DPP6: variants seen among roughly 807,000 people sequenced by gnomAD.
DPP6 encodes the protein A-type potassium channel modulatory protein DPP6.
A neutral mutation model predicts 122.6 loss-of-function variants in DPP6; 69 were observed. That is an observed-to-expected ratio of 0.56 (90% CI 0.46 to 0.69). The LOEUF (loss-of-function observed/expected upper bound fraction) is 0.69, where lower values mean the gene tolerates loss of function less well. Ranked by LOEUF, DPP6 falls within the 30% of genes least tolerant of loss-of-function variation. The pLI is 0.00. For synonymous variants in DPP6, 418 were observed against 433.1 expected, an observed-to-expected ratio of 0.97 and a Z score of 0.43; for missense variants, 928 against 1,116.9, an observed-to-expected ratio of 0.83 and a Z score of 2.41.
chr7:154,407,139 C>T (rs917701066), intron 1 of DPP6, among the ~76,000 whole-genome samples: 3 of 152,182 alleles, frequency 2.0e-5, no homozygotes, highest in African/African-American at 7.2e-5. Context: ...TAGCAGACCC[C>T]ATCTCATGCC....
chr7:154,089,888 G>A (rs946589535), intron 1 of DPP6, among the ~76,000 whole-genome samples: 8 of 152,318 alleles, frequency 5.3e-5, no homozygotes, highest in South Asian at 2.1e-4. Context: ...GAGAATCACC[G>A]TTCTTGGAGC....
intron 1 of DPP6, among the ~76,000 whole-genome samples, chr7:154,310,300 C>T (rs552940491): frequency 5.9e-5 from 9 of 152,316 alleles, no homozygotes; most frequent in African/African-American, 1.9e-4. Flanking sequence ...GAAGCAAGCA[C>T]GCAACTAGCC....
intron 8 of DPP6, among the ~76,000 whole-genome samples, chr7:154,740,740 G>A (rs545581153): frequency 2.6e-5 from 4 of 152,212 alleles, no homozygotes; most frequent in East Asian, 3.9e-4. Flanking sequence ...CAATGGTGGG[G>A]GCTGGGCACG....
At position 154,207,065 on chromosome 7, in the gene DPP6, G is replaced by A. The variant is rs140994754; in HGVS notation, c.243+154002G>A. ...GGAGACACAAAAGTGGGGCCTTTGC[G>A]TATCCAGATTCGAAGAATTTGATGA... is the stretch of plus-strand genomic sequence containing the variant. On this transcript the variant is annotated intron_variant, in intron 1 of 25. Coordinates refer to ENST00000377770, the MANE Select transcript of DPP6 (RefSeq NM_130797.4). Among the ~76,000 whole-genome samples, 70 of 152,282 alleles carry A rather than the reference G, an allele frequency of 4.6e-4. 1 individual carries two copies. The East Asian group carries it at 7.5e-3, about 16-fold the overall frequency.
At chr7:154,541,770 C>T (rs192332201) in intron 4 of DPP6, among the ~76,000 whole-genome samples, 119 of 152,162 alleles carry the variant, frequency 7.8e-4, no homozygotes, top group African/African-American at 2.4e-3. Flanking sequence ...TCCTATAATC[C>T]GGGATTAGAG....
chr7:154,635,518 T>G (rs1176553875), intron 5 of DPP6, among the ~76,000 whole-genome samples: 1 of 152,256 alleles, frequency 6.6e-6, no homozygotes, highest in Non-Finnish European at 1.5e-5. Context: ...ATTTTAAAAT[T>G]ATCTGTTTTC....
intron 6 of DPP6, among the ~76,000 whole-genome samples, chr7:154,650,998 C>T (rs887310580): frequency 6.6e-6 from 1 of 152,192 alleles, no homozygotes; most frequent in Non-Finnish European, 1.5e-5. Context: ...TGATTCACCA[C>T]ACCATTGCCC....
At chr7:153,915,341 C>T (rs943855308) in intron 1 of DPP6, among the ~76,000 whole-genome samples, 2 of 152,126 alleles carry the variant, frequency 1.3e-5, no homozygotes, top group South Asian at 2.1e-4. Flanking sequence ...CTCCTACCCC[C>T]ATGCCAAGCT....
At chr7:154,431,491 CTTT>C (rs1563659858) in intron 1 of DPP6, among the ~76,000 whole-genome samples, 1 of 19,404 alleles carries the variant, frequency 5.2e-5, no homozygotes, top group South Asian at 1.4e-3. Context: ...CTTTTCTTTT[CTTT>C]TCTTTTCTTT....
At chr7:154,869,053 C>A (rs918748779) in intron 18 of DPP6, among the ~76,000 whole-genome samples, 7 of 152,214 alleles carry the variant, frequency 4.6e-5, no homozygotes, top group African/African-American at 1.4e-4. Context: ...ACTGCAGGAG[C>A]TCTTTGTTGA....
chr7:154,226,534 A>C (rs1800614786), intron 1 of DPP6, among the ~76,000 whole-genome samples: 2 of 152,228 alleles, frequency 1.3e-5, no homozygotes, highest in South Asian at 2.1e-4. Flanking sequence ...CTTAACATTT[A>C]ATAGAATTGA....
At chr7:154,277,213 T>C (rs1257705995) in intron 1 of DPP6, among the ~76,000 whole-genome samples, 2 of 152,200 alleles carry the variant, frequency 1.3e-5, no homozygotes, top group Admixed American at 6.5e-5. Flanking sequence ...ACCATGAGTA[T>C]TGATTTGCAA....
At chr7:154,057,422 T>G (rs541143532) in intron 1 of DPP6, 1 of 194,196 alleles carries the variant, frequency 5.1e-6, no homozygotes, top group African/African-American at 2.4e-5. Flanking sequence ...CCTAAGATCC[T>G]TAGGACCCAC....
intron 1 of DPP6, among the ~76,000 whole-genome samples, chr7:154,235,101 T>C (rs1028496806): frequency 4.6e-5 from 7 of 152,238 alleles, no homozygotes; most frequent in African/African-American, 1.7e-4. Flanking sequence ...TGCACAGAAT[T>C]GTGTAATCAT....
intron 1 of DPP6, among the ~76,000 whole-genome samples, chr7:154,427,822 A>T (rs562100198): frequency 6.6e-6 from 1 of 152,336 alleles, no homozygotes; most frequent in East Asian, 1.9e-4. Context: ...TCAGCATTGG[A>T]ATAAATAGGA....
chr7:154,743,616 C>G (rs1842911724), intron 8 of DPP6, among the ~76,000 whole-genome samples: 1 of 152,210 alleles, frequency 6.6e-6, no homozygotes, highest in Admixed American at 6.5e-5. Context: ...GCTGTTTTTG[C>G]TGTCGTTTTT....
chr7:154,726,001 T>G (rs976917044), intron 7 of DPP6, among the ~76,000 whole-genome samples: 12 of 152,178 alleles, frequency 7.9e-5, no homozygotes, highest in African/African-American at 2.2e-4. Context: ...CTCCATTGAC[T>G]CCATGACTCA....
intron 1 of DPP6, among the ~76,000 whole-genome samples, chr7:154,150,891 C>T (rs1445489494): frequency 1.3e-5 from 2 of 152,220 alleles, no homozygotes; most frequent in Non-Finnish European, 2.9e-5. Flanking sequence ...GAGGCTCTTC[C>T]TCCCCACTCT....
At chr7:154,580,221 C>A (rs1312429532) in intron 5 of DPP6, among the ~76,000 whole-genome samples, 1 of 149,906 alleles carries the variant, frequency 6.7e-6, no homozygotes, top group Admixed American at 6.7e-5. Context: ...ACATACTCTC[C>A]CTCCCCCTTA....
Sources: gnomAD v4.1 joint callset for allele counts (sites outside exome capture counted in the v4.1 genomes callset) on GRCh38, gnomAD v4.1.1 for gene constraint, MANE v1.5 for transcripts, NCBI Gene and HGNC (gene_info 2026-07-23, HGNC 2026-07-21) for gene names.